Variants in PTPRG observed in about 807,000 individuals in gnomAD.
PTPRG encodes receptor-type tyrosine-protein phosphatase gamma.
Under a neutral mutation model 165.3 loss-of-function variants are expected in PTPRG, and 102 were observed. That is an observed-to-expected ratio of 0.62 (90% CI 0.53 to 0.73). The LOEUF is 0.73. Ranked by LOEUF, PTPRG falls within the 30% of genes least tolerant of loss-of-function variation. PTPRG has a pLI of 0.00. For missense variants in PTPRG, 1,866 were observed against 1,861.4 expected (o/e 1.00, Z -0.05); for synonymous variants, 675 against 669.5 (o/e 1.01, Z -0.13).
intron 3 of PTPRG, among the ~76,000 whole-genome samples, chr3:61,992,869 G>A (rs189879483): frequency 2.5e-3 from 385 of 152,156 alleles, no homozygotes; most frequent in Non-Finnish European, 4.1e-3. Flanking sequence ...GTTTTGCCAC[G>A]TTGGCCAGGC....
At chr3:62,012,603 G>C (rs942782037) in intron 4 of PTPRG, among the ~76,000 whole-genome samples, 1 of 152,046 alleles carries the variant, frequency 6.6e-6, no homozygotes, top group Non-Finnish European at 1.5e-5. Context: ...TTTTTTATAA[G>C]TTTTAAATAA....
In PTPRG at chr3:62,219,346, T is replaced by G. The variant is rs1009752025; in HGVS notation, c.2288+363T>G. ...AGTTAACAAGTCATAGCATTTGCAG[T>G]TTTTCTGAGATGATGCTTACTTTGT... On this transcript the variant is annotated intron_variant, in intron 13 of 29. Transcript: ENST00000474889. The surrounding 1 kb of genome is among the most constrained non-coding windows in gnomAD (Gnocchi z 4.5). Among the ~76,000 whole-genome samples, 5 of 152,246 alleles carry G rather than the reference T, an allele frequency of 3.3e-5. No individual in the cohort carries two copies. Among genetic ancestry groups the G allele is most frequent in the Non-Finnish European group, 7.3e-5 (5 of 68,042 alleles).
At chr3:61,798,312 C>T (rs1437356294) in intron 2 of PTPRG, among the ~76,000 whole-genome samples, 2 of 152,214 alleles carry the variant, frequency 1.3e-5, no homozygotes, top group East Asian at 3.8e-4. Flanking sequence ...CCTTCCCCAA[C>T]ACACACTTCA....
chr3:61,791,604 C>T (rs1333209597), intron 2 of PTPRG, among the ~76,000 whole-genome samples: 2 of 152,224 alleles, frequency 1.3e-5, no homozygotes, highest in African/African-American at 2.4e-5. Flanking sequence ...TCTCCTGCCT[C>T]AGCCTCCTGA....
At chr3:62,130,545 TG>T (rs1396018562) in intron 5 of PTPRG, among the ~76,000 whole-genome samples, 2 of 152,214 alleles carry the variant, frequency 1.3e-5, no homozygotes. Context: ...ATAGTTAAGC[TG>T]GCATCCCCAC....
chr3:61,814,792 G>A (rs944190173), intron 2 of PTPRG, among the ~76,000 whole-genome samples: 5 of 150,840 alleles, frequency 3.3e-5, no homozygotes, highest in Non-Finnish European at 5.9e-5. Context: ...AGGGGCTCAG[G>A]GAAATAAATG....
At chr3:62,221,066 CTG>C (rs1700640006) in intron 13 of PTPRG, among the ~76,000 whole-genome samples, 1 of 152,190 alleles carries the variant, frequency 6.6e-6, no homozygotes, top group Non-Finnish European at 1.5e-5. Context: ...TAGGGAAGGG[CTG>C]TGTCATGTAG....
chr3:61,910,460 CCTTT>C (rs140467483), intron 2 of PTPRG, among the ~76,000 whole-genome samples: 244 of 152,270 alleles, frequency 1.6e-3, no homozygotes, highest in African/African-American at 5.6e-3. Flanking sequence ...TTTTACCTTG[CCTTT>C]CTCTTGTTGC....
rs550834865 is a variant in PTPRG at position 61,667,409 on chromosome 3, T to C, written c.86-81469T>C. 3.3e-5 allele frequency among the ~76,000 whole-genome samples: 5 copies of C among 152,252 alleles called. No individual in the cohort carries two copies. In the South Asian group the frequency reaches 1.0e-3, roughly 32 times the overall value. ...GCTATAACAGAAAGAAAAATATATA[T>C]ATGTATTTGATACTGGTTCTAGATA... is the stretch of plus-strand genomic sequence containing the variant. On this transcript the variant is annotated intron_variant, in intron 1 of 29. Transcript: ENST00000474889.
At chr3:62,289,859 G>C (rs1702815574) in intron 28 of PTPRG, among the ~76,000 whole-genome samples, 2 of 151,978 alleles carry the variant, frequency 1.3e-5, no homozygotes, top group African/African-American at 2.4e-5. Context: ...TTCAGTTCTA[G>C]CACGTAAGCC....
chr3:61,800,199 T>C (rs1019875979), intron 2 of PTPRG, among the ~76,000 whole-genome samples: 9 of 152,130 alleles, frequency 5.9e-5, no homozygotes, highest in East Asian at 1.9e-4. Context: ...GTGACAGATA[T>C]ATTACTGGTT....
intron 8 of PTPRG, among the ~76,000 whole-genome samples, chr3:62,182,008 G>A (rs1328752194): frequency 1.3e-5 from 2 of 152,140 alleles, no homozygotes; most frequent in East Asian, 1.9e-4. Context: ...TATTTTGTAT[G>A]TAATATGTAT....
At chr3:61,780,285 T>G (rs2034506831) in intron 2 of PTPRG, among the ~76,000 whole-genome samples, 3 of 152,176 alleles carry the variant, frequency 2.0e-5, no homozygotes, top group African/African-American at 7.2e-5. Context: ...AGGGATCACT[T>G]TTTGAAGCTG....
intron 1 of PTPRG, among the ~76,000 whole-genome samples, chr3:61,732,373 T>C (rs929380907): frequency 6.6e-6 from 1 of 151,976 alleles, no homozygotes; most frequent in Non-Finnish European, 1.5e-5. Context: ...GTCAGGAGAT[T>C]GAGACCATCC....
intron 1 of PTPRG, among the ~76,000 whole-genome samples, chr3:61,718,874 A>G (rs2106781382): frequency 6.6e-6 from 1 of 152,298 alleles, no homozygotes; most frequent in South Asian, 2.1e-4. Context: ...GAGTCATTGA[A>G]TTGCCACACA....
intron 2 of PTPRG, among the ~76,000 whole-genome samples, chr3:61,754,089 C>G (rs962776478): frequency 1.3e-5 from 2 of 152,030 alleles, no homozygotes; most frequent in Non-Finnish European, 2.9e-5. Flanking sequence ...ACAAGGAGAC[C>G]ATTTCTCATT....
intron 3 of PTPRG, among the ~76,000 whole-genome samples, chr3:61,997,018 G>A (rs543657070): frequency 2.0e-5 from 3 of 152,278 alleles, no homozygotes; most frequent in South Asian, 2.1e-4. Flanking sequence ...AGGGTACAGC[G>A]TTCTCTGCTA....
At chr3:61,860,554 C>T (rs1374317188) in intron 2 of PTPRG, among the ~76,000 whole-genome samples, 3 of 149,004 alleles carry the variant, frequency 2.0e-5, no homozygotes, top group African/African-American at 7.4e-5. Flanking sequence ...GATTATACTG[C>T]CTCAGCCTCT....
chr3:61,848,074 A>G (rs1323343634), intron 2 of PTPRG, among the ~76,000 whole-genome samples: 1 of 152,188 alleles, frequency 6.6e-6, no homozygotes, highest in East Asian at 1.9e-4. Context: ...GTGTTAGGGA[A>G]CCTGGAGCCT....
Sources: allele counts gnomAD v4.1 joint callset (sites outside exome capture counted in the v4.1 genomes callset), GRCh38; gene constraint gnomAD v4.1.1; non-coding constraint Gnocchi (gnomAD v3.1); transcripts MANE v1.5; gene names NCBI Gene and HGNC (gene_info 2026-07-23, HGNC 2026-07-21).